SMKR1: variants seen among roughly 807,000 people sequenced by gnomAD.
SMKR1 encodes small lysine rich protein 1.
A neutral mutation model predicts 4.0 loss-of-function variants in SMKR1; 4 were observed. That is an observed-to-expected ratio of 1.00 (90% CI 0.49 to 2.30). The LOEUF (loss-of-function observed/expected upper bound fraction) is 2.30. SMKR1 is among the 30% of genes most tolerant of loss of function. The probability of loss-of-function intolerance (pLI) is 0.02; values close to 1 mark genes in which losing one functional copy is unlikely to be tolerated. For synonymous variants in SMKR1, 38 were observed against 32.5 expected, an observed-to-expected ratio of 1.17 and a Z score of -0.58; for missense variants, 56 against 81.8, an observed-to-expected ratio of 0.68 and a Z score of 1.22.
intron 1 of SMKR1, among the ~76,000 whole-genome samples, chr7:129,508,832 A>G (rs954988026): frequency 6.6e-6 from 1 of 152,192 alleles, no homozygotes; most frequent in East Asian, 1.9e-4. Flanking sequence ...TCAAACCTTT[A>G]TCTCCCATCC....
chr7:129,509,431 A>G (rs1452751367), intron 1 of SMKR1, among the ~76,000 whole-genome samples: 1 of 152,230 alleles, frequency 6.6e-6, no homozygotes, highest in Admixed American at 6.5e-5. Context: ...TAGGATTTTC[A>G]TGTGGATTCT....
Position 129,512,702 on chromosome 7 carries a change from T to C in SMKR1, c.*261T>C. ...TTCCTACACAGTGTGCTGAAATTAA[T>C]AGAACTTTCAGAAATTATTATAATT... On this transcript the variant is annotated 3_prime_UTR_variant, in exon 2 of 2. Transcript: ENST00000462322. 3.0e-6 allele frequency: 1 copy of C among 330,362 alleles called. No individual in the cohort carries two copies. The highest frequency in any genetic ancestry group is 5.4e-6 in the Non-Finnish European group (1 of 184,834). 20.5% of individuals were successfully genotyped at this position (330,362 alleles called of 1,614,324 possible). A position where few individuals can be genotyped will look rare whatever the true frequency, so the allele number is the denominator to read the frequency against.
At chr7:129,506,153 G>T (rs777778888) in intron 1 of SMKR1, among the ~76,000 whole-genome samples, 1 of 152,178 alleles carries the variant, frequency 6.6e-6, no homozygotes, top group Non-Finnish European at 1.5e-5. Flanking sequence ...TGTTTAAAAT[G>T]CATGCTTTAG....
rs1284610453 is a variant in SMKR1, at chr7:129,512,592, A to C, written c.*151A>C. On this transcript the variant is annotated 3_prime_UTR_variant, in exon 2 of 2. Transcript: ENST00000462322. The stretch of plus-strand genomic sequence containing the variant: ...TTTCTGTGATGGTGGAAGATCAGGA[A>C]ATGCACCTTACTTCCTCTGTTATGC... 3 of 812,704 alleles carry C rather than the reference A, an allele frequency of 3.7e-6. No individual in the cohort carries two copies. The East Asian group carries it at 8.9e-5, about 24-fold the overall frequency. 50.3% of individuals were successfully genotyped at this position (812,704 alleles called of 1,614,324 possible).
rs909210859 is a variant in SMKR1 at position 129,502,594 on chromosome 7, C to T, written c.-231C>T. ...TGCCGCGTGGGGCAAGCAGGTGCCTCGCGTCCAGGCGGCTCCGCGGCTGGC... is the reference window on the plus strand; with the variant it reads ...TGCCGCGTGGGGCAAGCAGGTGCCTTGCGTCCAGGCGGCTCCGCGGCTGGC... On this transcript the variant is annotated 5_prime_UTR_variant, in exon 1 of 2. Coordinates refer to ENST00000462322, the MANE Select transcript of SMKR1 (RefSeq NM_001195243.2). The T allele has an allele frequency of 2.7e-5, 14 of 509,586 alleles. No individual in the cohort carries two copies. The highest frequency in any genetic ancestry group is 4.0e-5 in the Non-Finnish European group (12 of 303,060). 31.6% of individuals were successfully genotyped at this position (509,586 alleles called of 1,614,324 possible). A position where few individuals can be genotyped will look rare whatever the true frequency, so the allele number is the denominator to read the frequency against.
At position 129,512,580 on chromosome 7, in the gene SMKR1, G is replaced by A; in HGVS notation, c.*139G>A. The A allele has an allele frequency of 1.1e-6, 1 of 886,118 alleles. No individual in the cohort carries two copies. The highest frequency in any genetic ancestry group is 1.7e-5 in the African/African-American group (1 of 57,906). 54.9% of individuals were successfully genotyped at this position (886,118 alleles called of 1,614,324 possible). A position where few individuals can be genotyped will look rare whatever the true frequency, so the allele number is the denominator to read the frequency against. On this transcript the variant is annotated 3_prime_UTR_variant, in exon 2 of 2. Coordinates refer to ENST00000462322, the MANE Select transcript of SMKR1 (RefSeq NM_001195243.2). ...ATTAAGTGTGCTTTTCTGTGATGGT[G>A]GAAGATCAGGAAATGCACCTTACTT...
Position 129,512,247 on chromosome 7 carries a change from C to A in SMKR1, c.4C>A (p.Pro2Thr). The A allele has an allele frequency of 6.7e-7, 1 of 1,499,900 alleles. No individual in the cohort carries two copies. The highest frequency in any genetic ancestry group is 8.8e-7 in the Non-Finnish European group (1 of 1,135,908). The allele number at this position is 1,499,900 out of a possible 1,614,324, so 92.9% of individuals were successfully genotyped here. A position where few individuals can be genotyped will look rare whatever the true frequency, so the allele number is the denominator to read the frequency against. ...CCATATTTATATTTGTCTTTGAAAG[C>A]CAGCTAAAGGGAAAAAAGGAAAAGG... M[P>T]AKGKKGKGQG... The change falls in exon 2 of 2, where the codon CCA becomes ACA. Residue 2 changes from proline (P) to threonine (T), a missense_variant and splice_region_variant. By Grantham distance (38) the Pro-to-Thr change is conservative. Coordinates refer to ENST00000462322, the MANE Select transcript of SMKR1 (RefSeq NM_001195243.2).
intron 1 of SMKR1, among the ~76,000 whole-genome samples, chr7:129,507,487 T>C (rs1799482158): frequency 6.6e-6 from 1 of 152,258 alleles, no homozygotes; most frequent in Admixed American, 6.5e-5. Flanking sequence ...AAAGCTACTA[T>C]GAACATTCAT....
intron 1 of SMKR1, among the ~76,000 whole-genome samples, chr7:129,508,719 C>T (rs923563296): frequency 5.9e-5 from 9 of 152,202 alleles, no homozygotes; most frequent in Non-Finnish European, 1.3e-4. Context: ...GTGAGGATTA[C>T]AGGCGTGAGC....
At chr7:129,506,864 C>CT (rs149799446) in intron 1 of SMKR1, among the ~76,000 whole-genome samples, 89,316 of 132,168 alleles carry the variant, frequency 0.68, 30,541 homozygotes, top group East Asian at 0.94. Flanking sequence ...TCTTTCTTTT[C>CT]TTTTTTTTTT....
In SMKR1 at chr7:129,512,462, CTG is replaced by C; in HGVS notation, c.*23_*24del. The C allele has an allele frequency of 6.6e-7, 1 of 1,525,642 alleles. No homozygotes were observed. The highest frequency in any genetic ancestry group is 1.4e-5 in the African/African-American group (1 of 72,636). The allele number at this position is 1,525,642 out of a possible 1,614,324, so 94.5% of individuals were successfully genotyped here. A position where few individuals can be genotyped will look rare whatever the true frequency, so the allele number is the denominator to read the frequency against. ...AGTGACAGCATTTCACAACACATCT[CTG>C]TTACAGACAACAGGACCTGGGGAAG... On this transcript the variant is annotated 3_prime_UTR_variant, in exon 2 of 2. Transcript: ENST00000462322.
At chr7:129,507,462 T>C (rs997847841) in intron 1 of SMKR1, among the ~76,000 whole-genome samples, 3 of 152,224 alleles carry the variant, frequency 2.0e-5, no homozygotes, top group African/African-American at 7.2e-5. Flanking sequence ...TTTCCAGTTT[T>C]TAGCTATTAC....
rs1799538337 is a variant in SMKR1 at position 129,512,544 on chromosome 7, T to G, written c.*103T>G. ...CAACATAGACTTTACTCCAGACGAC[T>G]TGAGATGCAAATTAAGTGTGCTTTT... On this transcript the variant is annotated 3_prime_UTR_variant, in exon 2 of 2. Coordinates refer to ENST00000462322, the MANE Select transcript of SMKR1 (RefSeq NM_001195243.2). The G allele has an allele frequency of 2.1e-5, 24 of 1,155,974 alleles. No homozygotes were observed. The highest frequency in any genetic ancestry group is 2.7e-5 in the Non-Finnish European group (23 of 853,956). 71.6% of individuals were successfully genotyped at this position (1,155,974 alleles called of 1,614,324 possible). A position where few individuals can be genotyped will look rare whatever the true frequency, so the allele number is the denominator to read the frequency against.
At chr7:129,505,734 G>A (rs1449420129) in intron 1 of SMKR1, among the ~76,000 whole-genome samples, 2 of 152,232 alleles carry the variant, frequency 1.3e-5, no homozygotes, top group African/African-American at 2.4e-5. Context: ...CACCGGCCTC[G>A]GCCTCCCAAA....
chr7:129,502,872 G>T, intron 1 of SMKR1, 45 bp downstream of exon 1: 1 of 1,534,126 alleles, frequency 6.5e-7, no homozygotes, highest in Non-Finnish European at 8.7e-7. Context: ...GGCGCGCGCC[G>T]TGGAGCCCCA....
intron 1 of SMKR1, among the ~76,000 whole-genome samples, chr7:129,509,365 GTAA>G (rs1799502951): frequency 6.6e-6 from 1 of 152,100 alleles, no homozygotes; most frequent in Non-Finnish European, 1.5e-5. Flanking sequence ...AGAGCTTCTG[GTAA>G]AATGTACATC....
chr7:129,506,922 T>A (rs1445996901), intron 1 of SMKR1, among the ~76,000 whole-genome samples: 4 of 151,026 alleles, frequency 2.6e-5, no homozygotes, highest in Non-Finnish European at 4.4e-5. Context: ...TGCAGCAACT[T>A]GATCGTGGCT....
chr7:129,503,199 G>T (rs1476791285), intron 1 of SMKR1, among the ~76,000 whole-genome samples: 2 of 151,744 alleles, frequency 1.3e-5, no homozygotes, highest in African/African-American at 2.4e-5. Context: ...GCCCGCGCGG[G>T]ATTCTCCACT....
chr7:129,509,593 T>G (rs1799505549), intron 1 of SMKR1, among the ~76,000 whole-genome samples: 1 of 151,618 alleles, frequency 6.6e-6, no homozygotes, highest in Non-Finnish European at 1.5e-5. Context: ...CAGGCTGGAG[T>G]GCAGTGGCGT....
Sources: gnomAD v4.1 joint callset for allele counts (sites outside exome capture counted in the v4.1 genomes callset) on GRCh38, gnomAD v4.1.1 for gene constraint, MANE v1.5 for transcripts, NCBI Gene and HGNC (gene_info 2026-07-23, HGNC 2026-07-21) for gene names.